The following CAMKMT variants were observed in gnomAD, a reference collection of about 807,000 sequenced individuals.
CAMKMT encodes calmodulin-lysine N-methyltransferase.
Under a neutral mutation model 48.0 loss-of-function variants are expected in CAMKMT, and 53 were observed. The ratio of observed to expected loss-of-function variants is 1.10; its 90% CI spans 0.89 to 1.39. The LOEUF (loss-of-function observed/expected upper bound fraction) is 1.39. Among genes scored for constraint, CAMKMT ranks in the 40% most tolerant of loss-of-function variants. The pLI, the probability that CAMKMT is intolerant of heterozygous loss-of-function variation, is 0.00. For missense variants in CAMKMT, 428 were observed against 402.7 expected, an observed-to-expected ratio of 1.06 and a Z score of -0.54; for synonymous variants, 165 against 152.3, an observed-to-expected ratio of 1.08 and a Z score of -0.61.
intron 3 of CAMKMT, among the ~76,000 whole-genome samples, chr2:44,442,497 T>C (rs1666728647): frequency 6.6e-6 from 1 of 152,228 alleles, no homozygotes; most frequent in African/African-American, 2.4e-5. Flanking sequence ...CTATGGTTTC[T>C]AGGCACTAAA....
chr2:44,401,001 G>C (rs963455358), intron 3 of CAMKMT: 1 of 142,924 alleles, frequency 7.0e-6, no homozygotes. Context: ...TTCTTCATTT[G>C]GTTCTTGTTT....
intron 3 of CAMKMT, among the ~76,000 whole-genome samples, chr2:44,572,853 C>A (rs1288146384): frequency 6.6e-6 from 1 of 152,204 alleles, no homozygotes; most frequent in Non-Finnish European, 1.5e-5. Context: ...TTTTTAGGAA[C>A]CACCATAGTG....
At chr2:44,487,661 A>G (rs1338999730) in intron 3 of CAMKMT, among the ~76,000 whole-genome samples, 1 of 152,246 alleles carries the variant, frequency 6.6e-6, no homozygotes, top group Non-Finnish European at 1.5e-5. Flanking sequence ...TGTGAAGGCA[A>G]TCATAGACAC....
At chr2:44,439,044 G>T (rs904000249) in intron 3 of CAMKMT, among the ~76,000 whole-genome samples, 2 of 152,124 alleles carry the variant, frequency 1.3e-5, no homozygotes, top group African/African-American at 4.8e-5. Flanking sequence ...TAATTAAACT[G>T]ATGACCTGAG....
chr2:44,714,242 A>C (rs1243117249), intron 6 of CAMKMT, among the ~76,000 whole-genome samples: 1 of 152,026 alleles, frequency 6.6e-6, no homozygotes, highest in Non-Finnish European at 1.5e-5. Context: ...AAGAGGATCA[A>C]CTCTAAGAGT....
intron 8 of CAMKMT, among the ~76,000 whole-genome samples, chr2:44,746,934 G>A (rs1026184997): frequency 6.6e-6 from 1 of 152,182 alleles, no homozygotes; most frequent in African/African-American, 2.4e-5. Flanking sequence ...TTTATCCAAT[G>A]AACGCTTTCA....
intron 8 of CAMKMT, 39 bp from the exon 9 acceptor site, chr2:44,754,016 C>T (rs757246543): frequency 2.6e-6 from 4 of 1,532,378 alleles, no homozygotes; most frequent in South Asian, 2.3e-5. Flanking sequence ...GACTTGAAAA[C>T]CCAGTTTAAT....
chr2:44,626,642 T>C (rs915634777), intron 3 of CAMKMT, among the ~76,000 whole-genome samples: 1 of 152,142 alleles, frequency 6.6e-6, no homozygotes, highest in African/African-American at 2.4e-5. Flanking sequence ...TAGCTAGCTC[T>C]TTGGGGTCTT....
chr2:44,375,721 G>T (rs1679619867), intron 2 of CAMKMT, among the ~76,000 whole-genome samples: 1 of 152,048 alleles, frequency 6.6e-6, no homozygotes, highest in African/African-American at 2.4e-5. Flanking sequence ...AGAGGCCATT[G>T]CAGTCTTTAG....
At chr2:44,479,158 T>C (rs554815075) in intron 3 of CAMKMT, among the ~76,000 whole-genome samples, 1 of 152,342 alleles carries the variant, frequency 6.6e-6, no homozygotes, top group Non-Finnish European at 1.5e-5. Context: ...CTGGCATCTT[T>C]ATAGTTACTT....
At chr2:44,481,701 A>T (rs1469778676) in intron 3 of CAMKMT, among the ~76,000 whole-genome samples, 1 of 152,086 alleles carries the variant, frequency 6.6e-6, no homozygotes, top group Non-Finnish European at 1.5e-5. Flanking sequence ...GATAAAGTTG[A>T]TATTTATGTT....
chr2:44,476,647 T>A (rs1365753454), intron 3 of CAMKMT, among the ~76,000 whole-genome samples: 1 of 99,280 alleles, frequency 1.0e-5, no homozygotes, highest in South Asian at 3.6e-4. Context: ...TAAACTAAAT[T>A]ACTTTGTGAA....
At chr2:44,536,474 G>A (rs1018286915) in intron 3 of CAMKMT, among the ~76,000 whole-genome samples, 17 of 151,718 alleles carry the variant, frequency 1.1e-4, no homozygotes, top group Admixed American at 2.6e-4. Context: ...ATAGGTGCCC[G>A]CCACCGTGCC....
intron 3 of CAMKMT, chr2:44,456,621 T>C: frequency 6.5e-7 from 1 of 1,548,210 alleles, no homozygotes; most frequent in Non-Finnish European, 8.7e-7. Context: ...ACTCTTCCTT[T>C]TTTGTTTAAA....
chr2:44,713,902 TAGG>T (rs1306666784), intron 6 of CAMKMT, among the ~76,000 whole-genome samples: 1 of 152,190 alleles, frequency 6.6e-6, no homozygotes, highest in Non-Finnish European at 1.5e-5. Flanking sequence ...TTCTGAGCAA[TAGG>T]AGAACATCGC....
chr2:44,471,591 C>A (rs1390499898), intron 3 of CAMKMT, among the ~76,000 whole-genome samples: 1 of 151,936 alleles, frequency 6.6e-6, no homozygotes, highest in African/African-American at 2.4e-5. Flanking sequence ...CAGAGCAAGA[C>A]CCTGTCTCAG....
chr2:44,439,940 C>T (rs1666541965), intron 3 of CAMKMT, among the ~76,000 whole-genome samples: 1 of 151,914 alleles, frequency 6.6e-6, no homozygotes, highest in African/African-American at 2.4e-5. Flanking sequence ...CTGAATGAAA[C>T]CCCTGAAGAT....
At chr2:44,665,956 G>A (rs1283698208) in intron 3 of CAMKMT, among the ~76,000 whole-genome samples, 7 of 152,154 alleles carry the variant, frequency 4.6e-5, no homozygotes, top group Non-Finnish European at 8.8e-5. Flanking sequence ...TCACTCACCC[G>A]TCAAACTGAC....
chr2:44,697,188 T>C (rs1394918086), intron 3 of CAMKMT, among the ~76,000 whole-genome samples: 1 of 152,144 alleles, frequency 6.6e-6, no homozygotes, highest in African/African-American at 2.4e-5. Flanking sequence ...AATTACCCAC[T>C]GAATCATGCA....
Sources: allele counts gnomAD v4.1 joint callset (sites outside exome capture counted in the v4.1 genomes callset), GRCh38; gene constraint gnomAD v4.1.1; transcripts MANE v1.5; gene names NCBI Gene and HGNC (gene_info 2026-07-23, HGNC 2026-07-21).